Variants in RIMS1 observed in about 807,000 individuals in gnomAD.
The protein encoded by RIMS1 is regulating synaptic membrane exocytosis 1.
RIMS1 carries 83 observed loss-of-function variants against 214.1 expected under a neutral mutation model. The observed-to-expected ratio is 0.39, with a 90% CI of 0.32 to 0.47. The LOEUF is 0.47. Ranked by LOEUF, RIMS1 falls within the 20% of genes least tolerant of loss-of-function variation. RIMS1 has a pLI of 0.99. For synonymous variants in RIMS1, 793 were observed against 786.8 expected, an observed-to-expected ratio of 1.01 and a Z score of -0.13; for missense variants, 2,050 against 2,161.8, an observed-to-expected ratio of 0.95 and a Z score of 1.03.
At position 71,985,733 on chromosome 6, in the gene RIMS1, A is replaced by G. The variant is rs547614536; in HGVS notation, c.245+16670A>G. The stretch of plus-strand genomic sequence containing the variant: ...GCCGTTAAACATTTATCAGCAGACC[A>G]CTGCAAACACACTCTGTTGAGTCTC... On this transcript the variant is annotated intron_variant, in intron 2 of 33. Coordinates refer to ENST00000521978, the MANE Select transcript of RIMS1 (RefSeq NM_014989.7). Among the ~76,000 whole-genome samples the G allele has an allele frequency of 7.9e-5, 12 of 152,254 alleles. No individual in the cohort carries two copies. The South Asian group carries it at 2.5e-3, about 32-fold the overall frequency.
chr6:72,178,956 A>G (rs1422442193), intron 4 of RIMS1, among the ~76,000 whole-genome samples: 1 of 152,210 alleles, frequency 6.6e-6, no homozygotes, highest in Non-Finnish European at 1.5e-5. Context: ...TTTAGTAAAT[A>G]TGTGCATGGA....
intron 29 of RIMS1, among the ~76,000 whole-genome samples, chr6:72,383,392 GA>G (rs2098527218): frequency 6.6e-6 from 1 of 151,828 alleles, no homozygotes; most frequent in African/African-American, 2.4e-5. Flanking sequence ...AGGACAAAAT[GA>G]ACAAGTATAA....
chr6:72,344,228 G>C (rs1256098542), intron 29 of RIMS1, among the ~76,000 whole-genome samples: 2 of 151,716 alleles, frequency 1.3e-5, no homozygotes, highest in East Asian at 3.9e-4. Flanking sequence ...ATTTGCCCTA[G>C]GACTTATTTT....
rs1438219628 is a variant in RIMS1 at position 72,215,376 on chromosome 6, A to G, written c.1679-18397A>G. The stretch of plus-strand genomic sequence containing the variant: ...TTCACAAAAACTGACATAACTTTGA[A>G]GTAATTCAACAAAATAATTGCAGTA... On this transcript the variant is annotated intron_variant, in intron 6 of 33. Coordinates refer to ENST00000521978, the MANE Select transcript of RIMS1 (RefSeq NM_014989.7). Among the ~76,000 whole-genome samples, 6 of 152,206 alleles carry G rather than the reference A, an allele frequency of 3.9e-5. No individual in the cohort carries two copies. The East Asian group carries it at 1.2e-3, about 29-fold the overall frequency.
chr6:72,156,214 A>C, intron 4 of RIMS1: 1 of 159,688 alleles, frequency 6.3e-6, no homozygotes, highest in Non-Finnish European at 1.4e-5. Context: ...AAGTGGCAAC[A>C]ACCTAAATGT....
At chr6:71,922,768 A>G (rs1780411065) in intron 1 of RIMS1, among the ~76,000 whole-genome samples, 1 of 152,246 alleles carries the variant, frequency 6.6e-6, no homozygotes, top group African/African-American at 2.4e-5. Context: ...ATGTGTTAGC[A>G]GAAATGGAGT....
chr6:72,262,539 A>G, intron 19 of RIMS1: 1 of 984,786 alleles, frequency 1.0e-6, no homozygotes. Flanking sequence ...TTCATTCTCT[A>G]ATGTGTAATG....
chr6:72,080,853 A>G (rs1376855376), intron 2 of RIMS1, among the ~76,000 whole-genome samples: 2 of 152,168 alleles, frequency 1.3e-5, no homozygotes, highest in Admixed American at 1.3e-4. Flanking sequence ...TTACACTTTA[A>G]AAAAACAGGG....
intron 2 of RIMS1, among the ~76,000 whole-genome samples, chr6:71,988,016 T>C (rs933953444): frequency 1.3e-5 from 2 of 152,098 alleles, no homozygotes; most frequent in Non-Finnish European, 2.9e-5. Context: ...CCATATGGTC[T>C]GGAAAAGAAC....
intron 4 of RIMS1, among the ~76,000 whole-genome samples, chr6:72,155,111 G>C (rs2044259732): frequency 7.1e-6 from 1 of 140,240 alleles, no homozygotes; most frequent in South Asian, 2.4e-4. Context: ...TAGAGAGCTG[G>C]CTGGCCAGGA....
At chr6:72,016,053 CT>C (rs35162167) in intron 2 of RIMS1, among the ~76,000 whole-genome samples, 18,352 of 152,172 alleles carry the variant, frequency 0.12, 1,255 homozygotes, top group South Asian at 0.18. Flanking sequence ...TTATCTGCAT[CT>C]TTTGGATGAC....
chr6:72,091,734 G>A (rs936478426), intron 2 of RIMS1, among the ~76,000 whole-genome samples: 3 of 152,040 alleles, frequency 2.0e-5, no homozygotes. Context: ...CTGGGAGAAA[G>A]TTTCAATATC....
intron 6 of RIMS1, among the ~76,000 whole-genome samples, chr6:72,199,610 A>G (rs1282933436): frequency 6.6e-6 from 1 of 152,130 alleles, no homozygotes; most frequent in East Asian, 1.9e-4. Context: ...GTGGAGGGAT[A>G]GGCAGGAATA....
intron 29 of RIMS1, among the ~76,000 whole-genome samples, chr6:72,364,670 G>C (rs777702257): frequency 2.0e-5 from 3 of 152,186 alleles, no homozygotes; most frequent in Non-Finnish European, 2.9e-5. Context: ...GTTTATTTGA[G>C]AGTTGATCCC....
At position 71,899,505 on chromosome 6, in the gene RIMS1, T is replaced by C. The variant is rs566278370; in HGVS notation, c.164+12318T>C. Among the ~76,000 whole-genome samples, 247 of 150,056 alleles carry C rather than the reference T, an allele frequency of 1.6e-3. 5 individuals are homozygous for C. The South Asian group carries it at 0.038, about 23-fold the overall frequency. ...ACACACACACAAACACACACACACA[T>C]ATATATATATACTCTCATCTCACCT... On this transcript the variant is annotated intron_variant, in intron 1 of 33. Coordinates refer to ENST00000521978, the MANE Select transcript of RIMS1 (RefSeq NM_014989.7).
In RIMS1 at chr6:71,965,721, C is replaced by T. The variant is rs117279243; in HGVS notation, c.165-3262C>T. On this transcript the variant is annotated intron_variant, in intron 1 of 33. Coordinates refer to ENST00000521978, the MANE Select transcript of RIMS1 (RefSeq NM_014989.7). ...GGAATGCTCACATGCAGTTAGAAGA[C>T]TGTCGAAGAGCCCCAATCTGATAAA... Among the ~76,000 whole-genome samples, 278 of 152,268 alleles carry T rather than the reference C, an allele frequency of 1.8e-3. 9 individuals are homozygous for T. The East Asian group carries it at 0.04, about 22-fold the overall frequency.
intron 6 of RIMS1, 76 bp from the exon 7 acceptor site, chr6:72,233,696 TC>T (rs2062909805): frequency 9.6e-7 from 1 of 1,037,370 alleles, no homozygotes; most frequent in Non-Finnish European, 1.5e-6. Flanking sequence ...TCTTTATAGA[TC>T]GAAGAAGTAA....
Position 72,333,808 on chromosome 6 carries a change from A to G in RIMS1, c.4339A>G (p.Arg1447Gly), listed in dbSNP as rs2096750869. Residue 1447 changes from arginine (R) to glycine (G), a missense_variant, in exon 29 of 34, where the codon AGA becomes GGA. Around this residue, in one of 6 missense-constraint regions of RIMS1, gnomAD observed 889 missense variants for 885.5 expected, o/e 1.00. Coordinates refer to ENST00000521978, the MANE Select transcript of RIMS1 (RefSeq NM_014989.7). The part of the protein sequence containing the change: ...KVVAIVSRRS[R>G]STSQLSQTES... ...GGTTGCCATAGTGTCTCGAAGGAGT[A>G]GAAGCACATCCCAGCTTAGTCAAAC... The G allele has an allele frequency of 1.3e-6, 2 of 1,589,356 alleles. No homozygotes were observed.
In RIMS1 at chr6:72,398,291, A is replaced by T. The variant is rs775972699; in HGVS notation, c.4661A>T (p.Glu1554Val). The change falls in exon 32 of 34, where the codon GAA becomes GTA. Residue 1554 changes from glutamate (E) to valine (V), a missense_variant. Coordinates refer to ENST00000521978, the MANE Select transcript of RIMS1 (RefSeq NM_014989.7). Reference protein sequence around the residue: ...IGMEDKKGQLEVEVIRARSLT... With the variant: ...IGMEDKKGQLVVEVIRARSLT... ...ATGGAGGACAAAAAGGGCCAATTAG[A>T]AGTGGAAGTCATTAGAGCACGAAGC... The T allele has an allele frequency of 6.2e-7, 1 of 1,609,612 alleles. No homozygotes were observed. Among genetic ancestry groups the T allele is most frequent in the Non-Finnish European group, 8.5e-7 (1 of 1,178,006 alleles).
Sources: allele counts gnomAD v4.1 joint callset (sites outside exome capture counted in the v4.1 genomes callset), GRCh38; gene constraint gnomAD v4.1.1; regional missense constraint gnomAD v4.1.1; transcripts MANE v1.5; gene names NCBI Gene and HGNC (gene_info 2026-07-23, HGNC 2026-07-21).